The following TTC8 variants were observed in gnomAD, a reference collection of about 807,000 sequenced individuals.
TTC8 encodes the protein tetratricopeptide repeat protein 8.
In TTC8, 47 loss-of-function variants were observed where a neutral mutation model predicts 72.5. That is an observed-to-expected ratio of 0.65 (90% CI 0.51 to 0.83). TTC8 has a LOEUF of 0.83. Ranked by LOEUF, TTC8 falls within the 40% of genes least tolerant of loss-of-function variation. The probability of loss-of-function intolerance (pLI) is 0.00; values close to 1 mark genes in which losing one functional copy is unlikely to be tolerated. For missense variants in TTC8, 611 were observed against 623.2 expected, an observed-to-expected ratio of 0.98 and a Z score of 0.21; for synonymous variants, 199 against 221.4, an observed-to-expected ratio of 0.90 and a Z score of 0.90.
At position 88,860,526 on chromosome 14, in the gene TTC8, A is replaced by G. The variant is rs148682052; in HGVS notation, c.799-696A>G. Reference sequence around the variant, plus strand: ...GCCTATCTCTCTCAGGCCTTGTTCCATGGGTCATCTCCTCTTTATTCAGCA... The same window carrying G: ...GCCTATCTCTCTCAGGCCTTGTTCCGTGGGTCATCTCCTCTTTATTCAGCA... On this transcript the variant is annotated intron_variant, in intron 9 of 14. Transcript: ENST00000380656. Among the ~76,000 whole-genome samples, 301 of 152,236 alleles carry G rather than the reference A, an allele frequency of 2.0e-3. 3 individuals carry two copies. Among genetic ancestry groups the G allele is most frequent in the African/African-American group, 6.9e-3 (287 of 41,530 alleles).
At chr14:88,874,970 G>T in intron 13 of TTC8, 56 bp from the exon 14 acceptor site, 2 of 1,349,358 alleles carry the variant, frequency 1.5e-6, no homozygotes, top group South Asian at 1.3e-5. Flanking sequence ...CACAAATATG[G>T]TGCTGATATA....
intron 1 of TTC8, among the ~76,000 whole-genome samples, chr14:88,825,958 C>A (rs562200440): frequency 1.9e-4 from 29 of 152,040 alleles, no homozygotes; most frequent in South Asian, 6.3e-4. Context: ...AGCATTTTTC[C>A]AAGGTTTTTT....
intron 1 of TTC8, among the ~76,000 whole-genome samples, chr14:88,829,115 A>G (rs2094714778): frequency 6.6e-6 from 1 of 152,226 alleles, no homozygotes; most frequent in Non-Finnish European, 1.5e-5. Flanking sequence ...GGTGAGGGAC[A>G]GAGGCCAGCC....
chr14:88,842,665 C>T (rs1369072244), intron 6 of TTC8, among the ~76,000 whole-genome samples: 1 of 152,152 alleles, frequency 6.6e-6, no homozygotes, highest in Non-Finnish European at 1.5e-5. Flanking sequence ...AATTAAGATG[C>T]ATCCAGGACA....
intron 11 of TTC8, 69 bp downstream of exon 11, chr14:88,870,267 A>G (rs2141033679): frequency 6.5e-7 from 1 of 1,538,792 alleles, no homozygotes; most frequent in Non-Finnish European, 9.0e-7. Flanking sequence ...AGAAAGATGG[A>G]ATGAAAGTAT....
chr14:88,871,832 G>C lies in TTC8; in HGVS notation c.1224+109G>C. The stretch of plus-strand genomic sequence containing the variant: ...TTTGGGAGGCTGAAGCAGGAGGATT[G>C]CTTGAGCCCAGGAGTTTGAGACCAC... On this transcript the variant is annotated intron_variant, in intron 12 of 14. Coordinates refer to ENST00000380656, the MANE Select transcript of TTC8 (RefSeq NM_144596.4). The surrounding 1 kb of genome is among the most constrained non-coding windows in gnomAD (Gnocchi z 4.1). 1 of 1,309,842 alleles carries C rather than the reference G, an allele frequency of 7.6e-7. No individual in the cohort carries two copies. The highest frequency in any genetic ancestry group is 1.1e-6 in the Non-Finnish European group (1 of 915,990). 81.1% of individuals were successfully genotyped at this position (1,309,842 alleles called of 1,614,324 possible).
chr14:88,872,379 T>TCAA lies in TTC8; in HGVS notation c.1285_1287dup (p.Asn429dup), dbSNP rs750442302. The TCAA allele has an allele frequency of 3.1e-6, 5 of 1,613,904 alleles. No homozygotes were observed. Among genetic ancestry groups the TCAA allele is most frequent in the African/African-American group, 2.7e-5 (2 of 74,976 alleles). ...CATCAGTGCTTCAGGCTGGCTCTGGTCAACAACAACAACCACGCCGAGGCC... is the reference window on the plus strand; with the variant it reads ...CATCAGTGCTTCAGGCTGGCTCTGGTCAACAACAACAACAACCACGCCGAGGCC... On this transcript the variant is annotated inframe_insertion, in exon 13 of 15. Transcript: ENST00000380656.
chr14:88,869,140 A>G (rs1242367772), intron 10 of TTC8, among the ~76,000 whole-genome samples: 2 of 152,224 alleles, frequency 1.3e-5, no homozygotes, highest in Admixed American at 6.5e-5. Context: ...GTTGAGAGGT[A>G]GAAGACAGCT....
At chr14:88,859,105 A>G (rs1240455785) in intron 9 of TTC8, among the ~76,000 whole-genome samples, 1 of 152,134 alleles carries the variant, frequency 6.6e-6, no homozygotes, top group African/African-American at 2.4e-5. Flanking sequence ...ATTATTCCCT[A>G]CACAACTATA....
chr14:88,876,183 C>G (rs953983817), intron 14 of TTC8, among the ~76,000 whole-genome samples: 2 of 152,138 alleles, frequency 1.3e-5, no homozygotes, highest in Non-Finnish European at 2.9e-5. Context: ...TAGTTAAACC[C>G]CCAAGAGGGC....
chr14:88,862,906 A>G (rs2094894754), intron 10 of TTC8, among the ~76,000 whole-genome samples: 1 of 151,868 alleles, frequency 6.6e-6, no homozygotes, highest in South Asian at 2.1e-4. Context: ...TAGTTTTACA[A>G]TAATTCATGA....
chr14:88,829,986 T>G (rs2094718682), intron 1 of TTC8, among the ~76,000 whole-genome samples: 1 of 152,230 alleles, frequency 6.6e-6, no homozygotes, highest in African/African-American at 2.4e-5. Flanking sequence ...GTATTCCTGC[T>G]GAATTACACA....
intron 6 of TTC8, among the ~76,000 whole-genome samples, chr14:88,842,406 T>C (rs2094785966): frequency 6.6e-6 from 1 of 152,216 alleles, no homozygotes; most frequent in African/African-American, 2.4e-5. Flanking sequence ...AATTAGCCAG[T>C]AATAATTGCT....
intron 8 of TTC8, among the ~76,000 whole-genome samples, chr14:88,854,811 C>G (rs556557526): frequency 6.6e-6 from 1 of 152,278 alleles, no homozygotes; most frequent in African/African-American, 2.4e-5. Flanking sequence ...GTCTCCCAAG[C>G]TGGGATTACA....
intron 10 of TTC8, among the ~76,000 whole-genome samples, chr14:88,868,683 A>G (rs1014052388): frequency 2.6e-5 from 4 of 152,146 alleles, no homozygotes; most frequent in African/African-American, 7.2e-5. Context: ...TAGTTGTCAT[A>G]GTCTGTTTAT....
At chr14:88,830,590 G>A (rs912677495) in intron 1 of TTC8, among the ~76,000 whole-genome samples, 1 of 152,166 alleles carries the variant, frequency 6.6e-6, no homozygotes, top group East Asian at 1.9e-4. Flanking sequence ...AATTTGAGAA[G>A]GTAATGTAGA....
chr14:88,857,308 C>G, intron 9 of TTC8, 31 bp downstream of exon 9: 1 of 1,567,198 alleles, frequency 6.4e-7, no homozygotes, highest in Non-Finnish European at 8.8e-7. Context: ...GTGAAATCTG[C>G]CTTCTCAGAA....
intron 1 of TTC8, among the ~76,000 whole-genome samples, chr14:88,830,335 C>T (rs1595927188): frequency 6.6e-6 from 1 of 152,150 alleles, no homozygotes; most frequent in African/African-American, 2.4e-5. Flanking sequence ...CTCTACTTTC[C>T]ATGTCCTGTT....
chr14:88,846,281 C>G (rs1301017488), intron 7 of TTC8, among the ~76,000 whole-genome samples: 3 of 152,086 alleles, frequency 2.0e-5, no homozygotes, highest in South Asian at 2.1e-4. Context: ...GAGCCATGAT[C>G]ATGCCACTGC....
Sources: allele counts gnomAD v4.1 joint callset (sites outside exome capture counted in the v4.1 genomes callset), GRCh38; gene constraint gnomAD v4.1.1; non-coding constraint Gnocchi (gnomAD v3.1); transcripts MANE v1.5; gene names NCBI Gene and HGNC (gene_info 2026-07-23, HGNC 2026-07-21).